PPP2R5E: variants seen among roughly 807,000 people sequenced by gnomAD.
PPP2R5E encodes the protein protein phosphatase 2 regulatory subunit B'epsilon.
PPP2R5E carries 4 observed loss-of-function variants against 65.3 expected under a neutral mutation model. The ratio of observed to expected loss-of-function variants is 0.06; its 90% CI spans 0.03 to 0.14. The LOEUF (loss-of-function observed/expected upper bound fraction) is 0.14. Ranked by LOEUF, PPP2R5E falls within the 10% of genes least tolerant of loss-of-function variation. The pLI, the probability that PPP2R5E is intolerant of heterozygous loss-of-function variation, is 1.00. For missense variants in PPP2R5E, 274 were observed against 556.1 expected (o/e 0.49, Z 5.10); for synonymous variants, 183 against 187.4 (o/e 0.98, Z 0.19).
At chr14:63,517,056 T>G (rs1159844423) in intron 2 of PPP2R5E, among the ~76,000 whole-genome samples, 1 of 152,164 alleles carries the variant, frequency 6.6e-6, no homozygotes, top group East Asian at 1.9e-4. Flanking sequence ...CCAAGTCTTA[T>G]GACTCAAAAA....
At chr14:63,403,369 C>G (rs1398422772) in intron 5 of PPP2R5E, among the ~76,000 whole-genome samples, 7 of 98,500 alleles carry the variant, frequency 7.1e-5, no homozygotes, top group African/African-American at 2.8e-4. Flanking sequence ...GCCTGGGCGA[C>G]AAAGCGAGAG....
At chr14:63,418,405 T>G (rs1248247508) in intron 4 of PPP2R5E, among the ~76,000 whole-genome samples, 1 of 152,200 alleles carries the variant, frequency 6.6e-6, no homozygotes, top group African/African-American at 2.4e-5. Flanking sequence ...GTGGAAACAC[T>G]TCAGACATAT....
At chr14:63,542,535 G>A (rs530039868) in intron 1 of PPP2R5E, among the ~76,000 whole-genome samples, 2 of 152,214 alleles carry the variant, frequency 1.3e-5, no homozygotes, top group Admixed American at 6.5e-5. Flanking sequence ...GCAAGAAAAC[G>A]CCTCCAATCC....
chr14:63,538,354 G>T (rs181834134), intron 2 of PPP2R5E, among the ~76,000 whole-genome samples: 1 of 151,366 alleles, frequency 6.6e-6, no homozygotes, highest in South Asian at 2.1e-4. Context: ...TCTGCCTCCC[G>T]GTTCAAGCAA....
At position 63,420,432 on chromosome 14, in the gene PPP2R5E, A is replaced by G. The variant is rs57182759; in HGVS notation, c.456+1561T>C. Among the ~76,000 whole-genome samples, 469 of 151,854 alleles carry G rather than the reference A, an allele frequency of 3.1e-3. 2 individuals are homozygous for G. The highest frequency in any genetic ancestry group is 0.011 in the African/African-American group (441 of 41,420). The stretch of plus-strand genomic sequence containing the variant: ...TTACAAGTTTCTTAGATTGCAGACA[A>G]TATGTCTGGGACCTTAAAAAAAAAA... On this transcript the variant is annotated intron_variant, in intron 4 of 13. Coordinates refer to ENST00000337537, the MANE Select transcript of PPP2R5E (RefSeq NM_006246.5).
chr14:63,475,510 T>C (rs2139574141), intron 2 of PPP2R5E, among the ~76,000 whole-genome samples: 1 of 152,360 alleles, frequency 6.6e-6, no homozygotes, highest in African/African-American at 2.4e-5. Flanking sequence ...TTCTAGGCAG[T>C]TTACTTTTTC....
intron 2 of PPP2R5E, among the ~76,000 whole-genome samples, chr14:63,520,242 A>C (rs1427887471): frequency 1.4e-5 from 2 of 145,100 alleles, no homozygotes; most frequent in Non-Finnish European, 3.0e-5. Context: ...TCACCGTGCT[A>C]GCCAGGATGG....
At chr14:63,502,495 C>T (rs1159510360) in intron 2 of PPP2R5E, among the ~76,000 whole-genome samples, 1 of 151,908 alleles carries the variant, frequency 6.6e-6, no homozygotes. Flanking sequence ...GGTGAAACCC[C>T]ATCTCTATTA....
At chr14:63,520,883 AAAAC>A (rs1246101015) in intron 2 of PPP2R5E, among the ~76,000 whole-genome samples, 2 of 140,756 alleles carry the variant, frequency 1.4e-5, no homozygotes, top group African/African-American at 5.6e-5. Context: ...AAAAAAAAAA[AAAAC>A]AATTAGCCGG....
At chr14:63,462,231 C>T (rs1231210576) in intron 2 of PPP2R5E, among the ~76,000 whole-genome samples, 1 of 151,986 alleles carries the variant, frequency 6.6e-6, no homozygotes, top group Non-Finnish European at 1.5e-5. Context: ...CCACCTTGCC[C>T]GGCTAATTTT....
At chr14:63,432,953 T>C (rs1376953497) in intron 3 of PPP2R5E, among the ~76,000 whole-genome samples, 3 of 152,068 alleles carry the variant, frequency 2.0e-5, no homozygotes, top group Non-Finnish European at 4.4e-5. Context: ...TCATTAAGTA[T>C]TAATGTCAGG....
At chr14:63,397,502 T>TAAAAA (rs1163450765) in intron 5 of PPP2R5E, among the ~76,000 whole-genome samples, 1 of 62,284 alleles carries the variant, frequency 1.6e-5, no homozygotes, top group Middle Eastern at 0.012. Flanking sequence ...ATTCGGTCTT[T>TAAAAA]AAAAAAAAAA....
chr14:63,403,387 CAA>C (rs35226807), intron 5 of PPP2R5E, among the ~76,000 whole-genome samples: 9,295 of 78,842 alleles, frequency 0.12, 241 homozygotes, highest in African/African-American at 0.13. Context: ...GAGTCTGTCT[CAA>C]AAAAAAAAAA....
chr14:63,436,462 GTC>G (rs1282329215), intron 3 of PPP2R5E, among the ~76,000 whole-genome samples: 1 of 152,170 alleles, frequency 6.6e-6, no homozygotes, highest in Admixed American at 6.5e-5. Flanking sequence ...CTATGTGCAC[GTC>G]TCTGTGTGTG....
intron 2 of PPP2R5E, among the ~76,000 whole-genome samples, chr14:63,474,127 C>T (rs74853751): frequency 0.054 from 8,159 of 152,184 alleles, 581 homozygotes; most frequent in African/African-American, 0.17. Flanking sequence ...GTTACAGAAT[C>T]GTGGGAAGGA....
At chr14:63,483,233 G>A (rs1890799478) in intron 2 of PPP2R5E, among the ~76,000 whole-genome samples, 1 of 152,124 alleles carries the variant, frequency 6.6e-6, no homozygotes, top group African/African-American at 2.4e-5. Flanking sequence ...AGCAAGGAAA[G>A]GAACATGGGG....
At chr14:63,445,714 C>A (rs140168840) in intron 3 of PPP2R5E, among the ~76,000 whole-genome samples, 1 of 152,008 alleles carries the variant, frequency 6.6e-6, no homozygotes, top group African/African-American at 2.4e-5. Context: ...TGGTGGTGAG[C>A]GCCTGTAATC....
At chr14:63,480,496 A>G (rs368677198) in intron 2 of PPP2R5E, among the ~76,000 whole-genome samples, 4 of 152,296 alleles carry the variant, frequency 2.6e-5, no homozygotes, top group African/African-American at 9.6e-5. Flanking sequence ...CCCAGGCTGA[A>G]GTGCAGTAGA....
chr14:63,508,213 T>C (rs1892303831), intron 2 of PPP2R5E: 1 of 985,420 alleles, frequency 1.0e-6, no homozygotes, highest in African/African-American at 1.7e-5. Context: ...CACACCTCTT[T>C]GGAGCCACTA....
Sources: allele counts gnomAD v4.1 joint callset (sites outside exome capture counted in the v4.1 genomes callset), GRCh38; gene constraint gnomAD v4.1.1; transcripts MANE v1.5; gene names NCBI Gene and HGNC (gene_info 2026-07-23, HGNC 2026-07-21).